PDE4D: variants seen among roughly 807,000 people sequenced by gnomAD.
PDE4D encodes the protein phosphodiesterase 4D.
A neutral mutation model predicts 87.4 loss-of-function variants in PDE4D; 24 were observed. The observed-to-expected ratio is 0.27, with a 90% CI of 0.20 to 0.39. The LOEUF (loss-of-function observed/expected upper bound fraction) is 0.39, where lower values mean the gene tolerates loss of function less well. PDE4D is among the 10% of genes least tolerant of loss of function. The pLI is 1.00. For synonymous variants in PDE4D, 384 were observed against 383.2 expected (o/e 1.00, Z -0.02); for missense variants, 714 against 1,041.0 (o/e 0.69, Z 4.32).
chr5:60,076,598 A>G (rs1415274704), intron 2 of PDE4D, among the ~76,000 whole-genome samples: 2 of 152,090 alleles, frequency 1.3e-5, no homozygotes, highest in Non-Finnish European at 2.9e-5. Flanking sequence ...ACCAAGACTC[A>G]ACTCAGGACT....
intron 2 of PDE4D, among the ~76,000 whole-genome samples, chr5:60,033,199 C>T (rs1386224807): frequency 6.6e-6 from 1 of 152,080 alleles, no homozygotes; most frequent in Admixed American, 6.6e-5. Flanking sequence ...TACAAATTTT[C>T]CTTGAGAAAC....
rs914931747 is a variant in PDE4D at position 58,971,757 on chromosome 5, A to G, written c.*2907T>C. 6.6e-6 allele frequency: 1 copy of G among 152,628 alleles called. No homozygotes were observed. Among genetic ancestry groups the G allele is most frequent in the African/African-American group, 2.4e-5 (1 of 41,464 alleles). 9.5% of individuals were successfully genotyped at this position (152,628 alleles called of 1,614,324 possible). A position where few individuals can be genotyped will look rare whatever the true frequency, so the allele number is the denominator to read the frequency against. ...CAAACTTGGACATTTTTTTCCCCATACAGTACCCAGATATTGCATTTTCTT... is the reference window on the plus strand; with the variant it reads ...CAAACTTGGACATTTTTTTCCCCATGCAGTACCCAGATATTGCATTTTCTT... On this transcript the variant is annotated 3_prime_UTR_variant, in exon 15 of 15. Coordinates refer to ENST00000340635, the MANE Select transcript of PDE4D (RefSeq NM_001104631.2).
chr5:59,695,016 A>AC (rs947437171), intron 1 of PDE4D, among the ~76,000 whole-genome samples: 3 of 151,902 alleles, frequency 2.0e-5, no homozygotes, highest in Non-Finnish European at 4.4e-5. Flanking sequence ...TAAAGTCGGG[A>AC]CCCCCCAGGA....
At position 59,715,285 on chromosome 5, in the gene PDE4D, G is replaced by C. The variant is rs973545498; in HGVS notation, c.455+177883C>G. Among the ~76,000 whole-genome samples the C allele has an allele frequency of 5.9e-5, 9 of 152,230 alleles. No individual in the cohort carries two copies. In the East Asian group the frequency reaches 9.6e-4, roughly 16 times the overall value. Reference sequence around the variant, plus strand: ...TCCCTTAGCAGCAGAGTTGCAAGAGGTCTTGAGACCAGCAGTCCTAATGCA... The same window carrying C: ...TCCCTTAGCAGCAGAGTTGCAAGAGCTCTTGAGACCAGCAGTCCTAATGCA... On this transcript the variant is annotated intron_variant, in intron 1 of 14. Transcript: ENST00000340635.
chr5:59,707,537 C>T (rs975182033), intron 1 of PDE4D, among the ~76,000 whole-genome samples: 1 of 152,030 alleles, frequency 6.6e-6, no homozygotes, highest in Non-Finnish European at 1.5e-5. Context: ...TTCTGGGGTA[C>T]ATGCACGGGA....
At chr5:59,173,752 T>C (rs2153474423) in intron 5 of PDE4D, among the ~76,000 whole-genome samples, 1 of 152,330 alleles carries the variant, frequency 6.6e-6, no homozygotes, top group African/African-American at 2.4e-5. Context: ...TGCTGGTGGT[T>C]GATGAGGAAG....
intron 1 of PDE4D, among the ~76,000 whole-genome samples, chr5:60,392,166 T>C (rs1331132232): frequency 6.6e-6 from 1 of 152,210 alleles, no homozygotes; most frequent in Non-Finnish European, 1.5e-5. Flanking sequence ...TAGAGATCTC[T>C]AGGACCAAAG....
At chr5:59,155,578 A>G (rs191209462) in intron 5 of PDE4D, among the ~76,000 whole-genome samples, 1 of 152,206 alleles carries the variant, frequency 6.6e-6, no homozygotes, top group African/African-American at 2.4e-5. Flanking sequence ...TAAAGGATCA[A>G]TAAAGAGTTG....
chr5:59,284,151 G>C (rs1377348812), intron 1 of PDE4D, among the ~76,000 whole-genome samples: 1 of 152,094 alleles, frequency 6.6e-6, no homozygotes, highest in African/African-American at 2.4e-5. Context: ...AGTTAAATCA[G>C]GACTACGCCT....
Position 59,693,618 on chromosome 5 carries a change from T to C in PDE4D, c.455+199550A>G, listed in dbSNP as rs571810756. On this transcript the variant is annotated intron_variant, in intron 1 of 14. Coordinates refer to ENST00000340635, the MANE Select transcript of PDE4D (RefSeq NM_001104631.2). ...CTCAAAACTTTAATTATGAGGTAGTTACAAATGTATGTGGTTCCATTTTGA... is the reference window on the plus strand; with the variant it reads ...CTCAAAACTTTAATTATGAGGTAGTCACAAATGTATGTGGTTCCATTTTGA... 4.6e-5 allele frequency among the ~76,000 whole-genome samples: 7 copies of C among 152,282 alleles called. No individual in the cohort carries two copies. The South Asian group carries it at 1.0e-3, about 23-fold the overall frequency.
intron 1 of PDE4D, among the ~76,000 whole-genome samples, chr5:59,356,587 C>A (rs1781406278): frequency 6.6e-6 from 1 of 152,140 alleles, no homozygotes; most frequent in Non-Finnish European, 1.5e-5. Context: ...TCTGCACGTA[C>A]CTACATACCC....
intron 2 of PDE4D, among the ~76,000 whole-genome samples, chr5:60,036,988 C>T (rs886844870): frequency 2.0e-5 from 3 of 152,138 alleles, no homozygotes; most frequent in Non-Finnish European, 4.4e-5. Context: ...TTATAAAAAA[C>T]GCTACCTCCA....
intron 1 of PDE4D, among the ~76,000 whole-genome samples, chr5:59,306,789 G>T (rs943797981): frequency 7.4e-6 from 1 of 135,740 alleles, no homozygotes; most frequent in African/African-American, 2.9e-5. Context: ...ATTGCCCAAG[G>T]TAATTTAAAG....
intron 6 of PDE4D, chr5:58,999,799 T>A: frequency 1.0e-6 from 1 of 1,004,890 alleles, no homozygotes. Context: ...AAAATCCACG[T>A]GATAAAGGAA....
At chr5:60,434,326 T>A (rs577679983) in intron 1 of PDE4D, among the ~76,000 whole-genome samples, 1 of 152,310 alleles carries the variant, frequency 6.6e-6, no homozygotes, top group East Asian at 1.9e-4. Context: ...CAGACTTTCA[T>A]AAGTGATGGG....
chr5:59,717,007 C>A (rs1008236522), intron 1 of PDE4D, among the ~76,000 whole-genome samples: 1 of 152,184 alleles, frequency 6.6e-6, no homozygotes, highest in African/African-American at 2.4e-5. Context: ...GATAAAAGAG[C>A]ACAGAAAGAG....
chr5:59,163,814 T>C (rs1011719318), intron 5 of PDE4D, among the ~76,000 whole-genome samples: 1 of 152,220 alleles, frequency 6.6e-6, no homozygotes, highest in African/African-American at 2.4e-5. Flanking sequence ...GTCTGAGGAA[T>C]GTTTATCAGA....
At chr5:59,282,428 GTCAGGAGT>G (rs1182106248) in intron 1 of PDE4D, among the ~76,000 whole-genome samples, 1 of 151,912 alleles carries the variant, frequency 6.6e-6, no homozygotes, top group Admixed American at 6.6e-5. Flanking sequence ...ATCACCTGAG[GTCAGGAGT>G]TTGAGACCAG....
intron 1 of PDE4D, among the ~76,000 whole-genome samples, chr5:59,263,060 C>T (rs1319384123): frequency 6.6e-6 from 1 of 151,922 alleles, no homozygotes; most frequent in Non-Finnish European, 1.5e-5. Context: ...CTATACAACT[C>T]TTGCCATAAA....
Sources: allele counts gnomAD v4.1 joint callset (sites outside exome capture counted in the v4.1 genomes callset), GRCh38; gene constraint gnomAD v4.1.1; transcripts MANE v1.5; gene names NCBI Gene and HGNC (gene_info 2026-07-23, HGNC 2026-07-21).